OPCML: variants seen among roughly 807,000 people sequenced by gnomAD.
OPCML encodes opioid binding protein/cell adhesion molecule like, also known as opioid-binding protein/cell adhesion molecule.
OPCML carries 13 observed loss-of-function variants against 37.8 expected under a neutral mutation model. That is an observed-to-expected ratio of 0.34 (90% CI 0.22 to 0.55). The LOEUF (loss-of-function observed/expected upper bound fraction) is 0.55, where lower values mean the gene tolerates loss of function less well. Among genes scored for constraint, OPCML ranks in the 20% least tolerant of loss-of-function variants. OPCML has a pLI of 0.91. For synonymous variants in OPCML, 176 were observed against 168.8 expected, an observed-to-expected ratio of 1.04 and a Z score of -0.33; for missense variants, 341 against 435.6, an observed-to-expected ratio of 0.78 and a Z score of 1.93.
intron 1 of OPCML, among the ~76,000 whole-genome samples, chr11:133,104,132 G>A (rs1949123792): frequency 6.6e-6 from 1 of 152,232 alleles, no homozygotes; most frequent in Non-Finnish European, 1.5e-5. Flanking sequence ...AGCTCCACAT[G>A]TCCACAGGTG....
At chr11:132,872,647 C>T (rs1225155312) in intron 2 of OPCML, among the ~76,000 whole-genome samples, 3 of 152,158 alleles carry the variant, frequency 2.0e-5, no homozygotes, top group East Asian at 3.9e-4. Flanking sequence ...CTAAGTCCTC[C>T]TTTGGTCAGA....
chr11:133,377,651 C>A (rs1944842687), intron 1 of OPCML, among the ~76,000 whole-genome samples: 1 of 137,656 alleles, frequency 7.3e-6, no homozygotes, highest in African/African-American at 2.8e-5. Flanking sequence ...ACAGGGTCTC[C>A]CATTAGAGCA....
intron 2 of OPCML, among the ~76,000 whole-genome samples, chr11:132,908,695 A>G (rs73602838): frequency 0.031 from 4,706 of 152,326 alleles, 253 homozygotes; most frequent in African/African-American, 0.1. Context: ...TGTAAACACA[A>G]AGATAAGGTG....
intron 3 of OPCML, among the ~76,000 whole-genome samples, chr11:132,529,735 A>G (rs760760595): frequency 6.6e-6 from 1 of 152,136 alleles, no homozygotes; most frequent in African/African-American, 2.4e-5. Flanking sequence ...TAACCTGAAA[A>G]TCCCCAATCA....
At chr11:133,435,642 G>A (rs187789110) in intron 1 of OPCML, among the ~76,000 whole-genome samples, 20 of 152,300 alleles carry the variant, frequency 1.3e-4, no homozygotes, top group Admixed American at 6.5e-4. Context: ...GCAATTATTT[G>A]CAGTTTAAAT....
At chr11:133,078,655 G>C (rs143830357) in intron 1 of OPCML, among the ~76,000 whole-genome samples, 1 of 152,118 alleles carries the variant, frequency 6.6e-6, no homozygotes, top group Non-Finnish European at 1.5e-5. Context: ...GACAACCCTG[G>C]AAATCACCTC....
At chr11:132,513,707 C>G (rs2096273850) in intron 4 of OPCML, among the ~76,000 whole-genome samples, 1 of 152,130 alleles carries the variant, frequency 6.6e-6, no homozygotes, top group Non-Finnish European at 1.5e-5. Flanking sequence ...ATGTTTACAG[C>G]CAGATTAGCA....
At chr11:132,768,553 CAATT>C (rs1288065201) in intron 2 of OPCML, among the ~76,000 whole-genome samples, 1 of 152,130 alleles carries the variant, frequency 6.6e-6, no homozygotes, top group Admixed American at 6.6e-5. Flanking sequence ...AACTGGGAAA[CAATT>C]AATGTGTGTA....
chr11:132,482,398 T>A (rs1248345628), intron 4 of OPCML, among the ~76,000 whole-genome samples: 3 of 151,110 alleles, frequency 2.0e-5, no homozygotes, highest in Admixed American at 6.6e-5. Flanking sequence ...AATAGACCAA[T>A]AACAGGATCT....
At chr11:132,585,202 T>A (rs1226479205) in intron 3 of OPCML, among the ~76,000 whole-genome samples, 1 of 152,166 alleles carries the variant, frequency 6.6e-6, no homozygotes, top group Non-Finnish European at 1.5e-5. Flanking sequence ...TCACTCTGTC[T>A]CATTCGTGAA....
intron 2 of OPCML, among the ~76,000 whole-genome samples, chr11:132,757,785 G>C (rs2136087478): frequency 6.6e-6 from 1 of 152,308 alleles, no homozygotes. Flanking sequence ...TTGCTGTGCA[G>C]AAACTCTTTA....
chr11:133,381,006 G>A (rs965188891), intron 1 of OPCML, among the ~76,000 whole-genome samples: 2 of 152,316 alleles, frequency 1.3e-5, no homozygotes, highest in Non-Finnish European at 2.9e-5. Flanking sequence ...AGGACAGGGC[G>A]AAGCGCAGGA....
intron 3 of OPCML, among the ~76,000 whole-genome samples, chr11:132,576,079 A>G (rs2096449946): frequency 6.6e-6 from 1 of 152,010 alleles, no homozygotes; most frequent in South Asian, 2.1e-4. Flanking sequence ...TGATACTTTC[A>G]AAACTATTTG....
At chr11:132,743,488 G>A (rs1291136113) in intron 2 of OPCML, among the ~76,000 whole-genome samples, 2 of 152,116 alleles carry the variant, frequency 1.3e-5, no homozygotes, top group Non-Finnish European at 2.9e-5. Flanking sequence ...CTTTTTGCCT[G>A]AAAATATTTT....
At position 132,507,348 on chromosome 11, in the gene OPCML, GTTTATGTTTAATA is replaced by G. The variant is rs532793493; in HGVS notation, c.505+21700_505+21712del. On this transcript the variant is annotated intron_variant, in intron 4 of 7. Coordinates refer to ENST00000524381, the MANE Select transcript of OPCML (RefSeq NM_001012393.5). ...AACAGAATTCTCTCTCAGTCTGGAT[GTTTATGTTTAATA>G]TTTATCTTGTACTGTAGTATTAATG... Among the ~76,000 whole-genome samples the G allele has an allele frequency of 4.6e-4, 70 of 151,946 alleles. No homozygotes were observed. The South Asian group carries it at 8.9e-3, about 19-fold the overall frequency.
chr11:132,525,812 T>A (rs1161909521), intron 4 of OPCML: 1 of 152,290 alleles, frequency 6.6e-6, no homozygotes, highest in Admixed American at 6.5e-5. Context: ...ACCCGTCACC[T>A]ACATTAGGTA....
Position 132,662,412 on chromosome 11 carries a change from C to CAAA in OPCML, c.147-5096_147-5094dup, listed in dbSNP as rs57243826. Among the ~76,000 whole-genome samples, 980 of 119,888 alleles carry CAAA rather than the reference C, an allele frequency of 8.2e-3. 22 individuals are homozygous for CAAA. Among genetic ancestry groups the CAAA allele is most frequent in the African/African-American group, 0.027 (922 of 34,072 alleles). 78.7% of individuals were successfully genotyped at this position (119,888 alleles called of 152,430 possible). ...TTTTTATATTTTGTCTTTGAAAATG[C>CAAA]AAAAAAAAAAAAAAAAAGTGCCAAG... On this transcript the variant is annotated intron_variant, in intron 2 of 7. Coordinates refer to ENST00000524381, the MANE Select transcript of OPCML (RefSeq NM_001012393.5).
intron 1 of OPCML, among the ~76,000 whole-genome samples, chr11:133,445,597 C>A (rs539604536): frequency 1.3e-5 from 2 of 152,294 alleles, no homozygotes; most frequent in South Asian, 4.1e-4. Context: ...GTTCTATCAT[C>A]ACTTTTCATC....
intron 1 of OPCML, chr11:133,118,246 A>G: frequency 2.0e-6 from 2 of 985,374 alleles, no homozygotes; most frequent in Non-Finnish European, 2.4e-6. Flanking sequence ...GCTGGGATAT[A>G]TGTCTGTCCT....
Sources: allele counts gnomAD v4.1 joint callset (sites outside exome capture counted in the v4.1 genomes callset), GRCh38; gene constraint gnomAD v4.1.1; transcripts MANE v1.5; gene names NCBI Gene and HGNC (gene_info 2026-07-23, HGNC 2026-07-21).